PARP6: variants seen among roughly 807,000 people sequenced by gnomAD.
PARP6 encodes poly(ADP-ribose) polymerase family member 6.
Under a neutral mutation model 92.0 loss-of-function variants are expected in PARP6, and 27 were observed. The ratio of observed to expected loss-of-function variants is 0.29; its 90% CI spans 0.22 to 0.40. The LOEUF (loss-of-function observed/expected upper bound fraction) is 0.40, where lower values mean the gene tolerates loss of function less well. Ranked by LOEUF, PARP6 falls within the 10% of genes least tolerant of loss-of-function variation. PARP6 has a pLI of 1.00. For synonymous variants in PARP6, 272 were observed against 281.2 expected (o/e 0.97, Z 0.33); for missense variants, 501 against 784.5 (o/e 0.64, Z 4.32).
At position 72,270,157 on chromosome 15, in the gene PARP6, T is replaced by C. The variant is rs371313527; in HGVS notation, c.-195+866A>G. On this transcript the variant is annotated intron_variant, in intron 2 of 23. Transcript: ENST00000569795. ...AGCATAGGAGTCTTCCAGCTCATAG[T>C]GTTGCCTGATCCTTCAGAAACAACA... 3.3e-5 allele frequency among the ~76,000 whole-genome samples: 5 copies of C among 152,282 alleles called. No individual in the cohort carries two copies. In the East Asian group the frequency reaches 7.7e-4, roughly 24 times the overall value.
intron 13 of PARP6, 21 bp downstream of exon 13, chr15:72,257,327 C>G (rs1395632570): frequency 1.3e-6 from 2 of 1,562,346 alleles, no homozygotes; most frequent in Non-Finnish European, 1.8e-6. Context: ...AATTCCCCAG[C>G]CACGTTTCCC....
intron 11 of PARP6, among the ~76,000 whole-genome samples, chr15:72,259,340 T>G (rs946518507): frequency 6.6e-6 from 1 of 152,222 alleles, no homozygotes; most frequent in African/African-American, 2.4e-5. Context: ...TCAATCTCAT[T>G]CTCATCTCAT....
At chr15:72,271,826 G>A (rs2141152915) in intron 1 of PARP6, among the ~76,000 whole-genome samples, 1 of 152,318 alleles carries the variant, frequency 6.6e-6, no homozygotes, top group East Asian at 1.9e-4. Context: ...AAACTCAGCG[G>A]CTAATATAGA....
At chr15:72,267,997 C>T (rs988937525) in intron 2 of PARP6, among the ~76,000 whole-genome samples, 1 of 152,234 alleles carries the variant, frequency 6.6e-6, no homozygotes, top group Non-Finnish European at 1.5e-5. Context: ...GGTGACCTAC[C>T]GGCCTCGGCC....
At chr15:72,251,865 C>T (rs1160957160) in intron 16 of PARP6, among the ~76,000 whole-genome samples, 3 of 152,202 alleles carry the variant, frequency 2.0e-5, no homozygotes, top group African/African-American at 7.2e-5. Flanking sequence ...AGACATAAAA[C>T]ACTGAGGGCT....
chr15:72,251,487 G>T, intron 16 of PARP6: 4 of 284,680 alleles, frequency 1.4e-5, no homozygotes, highest in Middle Eastern at 9.7e-4. Context: ...TTATTGGGGA[G>T]TTAAACAATG....
intron 8 of PARP6, 70 bp from the exon 9 acceptor site, chr15:72,261,777 AAAT>A: frequency 6.8e-7 from 1 of 1,460,606 alleles, no homozygotes; most frequent in Non-Finnish European, 9.5e-7. Context: ...AAAGAGAGAC[AAAT>A]AATCTAAAAT....
intron 2 of PARP6, among the ~76,000 whole-genome samples, chr15:72,268,665 T>G (rs1232028174): frequency 1.3e-5 from 2 of 152,186 alleles, no homozygotes; most frequent in Non-Finnish European, 2.9e-5. Flanking sequence ...GCCACTGCAC[T>G]CCAGCCTGGA....
chr15:72,253,578 G>A (rs2084656126), intron 15 of PARP6, 74 bp from the exon 16 acceptor site: 3 of 1,260,500 alleles, frequency 2.4e-6, no homozygotes, highest in East Asian at 2.4e-5. Context: ...TTCACAGAGT[G>A]ACTATTAGGG....
intron 3 of PARP6, chr15:72,267,100 G>A (rs1282129568): frequency 4.5e-5 from 23 of 510,512 alleles, no homozygotes; most frequent in Non-Finnish European, 7.0e-5. Context: ...AGAGGCTCTG[G>A]TAGCCAGTAG....
In PARP6 at chr15:72,242,526, C is replaced by T. The variant is rs1307449900; in HGVS notation, c.1641+94G>A. 3 of 877,888 alleles carry T rather than the reference C, an allele frequency of 3.4e-6. No individual in the cohort carries two copies. Among genetic ancestry groups the T allele is most frequent in the African/African-American group, 3.3e-5 (2 of 61,086 alleles). 54.4% of individuals were successfully genotyped at this position (877,888 alleles called of 1,614,324 possible). A position where few individuals can be genotyped will look rare whatever the true frequency, so the allele number is the denominator to read the frequency against. On this transcript the variant is annotated intron_variant, in intron 21 of 23. Coordinates refer to ENST00000569795, the MANE Select transcript of PARP6 (RefSeq NM_001323532.2). The surrounding 1 kb of genome is among the most constrained non-coding windows in gnomAD (Gnocchi z 4.3). ...CCTTTAAATGATCTCAAATCACTCCCCAACCCATTCTCACCCCACTGTTTC... is the reference window on the plus strand; with the variant it reads ...CCTTTAAATGATCTCAAATCACTCCTCAACCCATTCTCACCCCACTGTTTC...
At chr15:72,254,553 A>G in intron 14 of PARP6, 33 bp from the exon 15 acceptor site, 1 of 1,559,622 alleles carries the variant, frequency 6.4e-7, no homozygotes, top group Non-Finnish European at 8.8e-7. Context: ...GAAGAACCAA[A>G]TAAAGAAAAG....
At chr15:72,264,926 A>C (rs953714759) in intron 7 of PARP6, among the ~76,000 whole-genome samples, 155 bp downstream of exon 7, 4 of 152,228 alleles carry the variant, frequency 2.6e-5, no homozygotes. Context: ...ACAGGGGATG[A>C]AGATACCAAT....
rs1026319282 is a variant in PARP6, at chr15:72,253,761, C to T, written c.1192-257G>A. 7.8e-6 allele frequency: 5 copies of T among 639,046 alleles called. No individual in the cohort carries two copies. The African/African-American group carries it at 9.0e-5, about 11-fold the overall frequency. The allele number at this position is 639,046 out of a possible 1,614,324, so 39.6% of individuals were successfully genotyped here. ...CCCTCATTTTATGCAATTCCTACAGCCCTAAAAAGTTGATTATAAATCAAA... is the reference window on the plus strand; with the variant it reads ...CCCTCATTTTATGCAATTCCTACAGTCCTAAAAAGTTGATTATAAATCAAA... On this transcript the variant is annotated intron_variant, in intron 15 of 23. Coordinates refer to ENST00000569795, the MANE Select transcript of PARP6 (RefSeq NM_001323532.2).
At position 72,265,890 on chromosome 15, in the gene PARP6, G is replaced by C. The variant is rs755672308; in HGVS notation, c.176+7C>G. 1 of 1,596,634 alleles carries C rather than the reference G, an allele frequency of 6.3e-7. No individual in the cohort carries two copies. Among genetic ancestry groups the C allele is most frequent in the South Asian group, 1.1e-5 (1 of 90,774 alleles). On this transcript the variant is annotated splice_region_variant and intron_variant, in intron 5 of 23. Coordinates refer to ENST00000569795, the MANE Select transcript of PARP6 (RefSeq NM_001323532.2). ...GCTCCCCTGCCACCCCTGAAGTAGA[G>C]TCCCACCTGATGGATACAGAGTTCT...
intron 18 of PARP6, 77 bp from the exon 19 acceptor site, chr15:72,250,169 C>T (rs987566145): frequency 1.2e-6 from 1 of 856,052 alleles, no homozygotes; most frequent in Non-Finnish European, 2.0e-6. Flanking sequence ...CCATTCCCAC[C>T]CATTCTCACC....
Position 72,266,842 on chromosome 15 carries a change from A to G in PARP6, c.4-20T>C. On this transcript the variant is annotated intron_variant, in intron 3 of 23. Coordinates refer to ENST00000569795, the MANE Select transcript of PARP6 (RefSeq NM_001323532.2). Reference sequence around the variant, plus strand: ...GATGTCCTAGTGGTGAGAAATAAGGATATCATGCTTTGTTAGGTCCCTATT... The same window carrying G: ...GATGTCCTAGTGGTGAGAAATAAGGGTATCATGCTTTGTTAGGTCCCTATT... The G allele has an allele frequency of 6.3e-7, 1 of 1,591,404 alleles. No individual in the cohort carries two copies. The highest frequency in any genetic ancestry group is 8.6e-7 in the Non-Finnish European group (1 of 1,159,394).
Position 72,257,349 on chromosome 15 carries a change from T to G in PARP6, c.998A>C (p.Glu333Ala). The change falls in exon 13 of 24, where the codon GAG (glutamate) becomes GCG (alanine). Residue 333 changes from glutamate (E) to alanine (A), a missense_variant and splice_region_variant. Transcript: ENST00000569795. The stretch of plus-strand genomic sequence containing the variant: ...CAGCCACGTTTCCCTCCCCCATACC[T>G]CTGCTCCAGTGGCCACCTCCTCTGC... ...GAAEEVATGA[E>A]VVDLLVAMCR... 1 of 1,611,330 alleles carries G rather than the reference T, an allele frequency of 6.2e-7. No individual in the cohort carries two copies. Among genetic ancestry groups the G allele is most frequent in the Non-Finnish European group, 8.5e-7 (1 of 1,177,422 alleles).
At position 72,249,288 on chromosome 15, in the gene PARP6, G is replaced by A. The variant is rs370378427; in HGVS notation, c.1518C>T (p.Gly506=). 30 of 1,602,884 alleles carry A rather than the reference G, an allele frequency of 1.9e-5. No homozygotes were observed. The highest frequency in any genetic ancestry group is 2.5e-5 in the Non-Finnish European group (29 of 1,171,460). The change falls in exon 20 of 24, where the codon GGC becomes GGT. Residue 506 remains glycine (G), a synonymous_variant. Coordinates refer to ENST00000569795, the MANE Select transcript of PARP6 (RefSeq NM_001323532.2). ...TACTGGAGATGGGGCTCAGGTAGAT[G>A]CCTTTGCCATAGGCTGCTCCATGCA... The part of the protein sequence containing the change: ...LQLHGAAYGK[G]IYLSPISSIS...
Sources: gnomAD v4.1 joint callset for allele counts (sites outside exome capture counted in the v4.1 genomes callset) on GRCh38, gnomAD v4.1.1 for gene constraint, Gnocchi (gnomAD v3.1) non-coding constraint, MANE v1.5 for transcripts, NCBI Gene and HGNC (gene_info 2026-07-23, HGNC 2026-07-21) for gene names.